Variants in ECE1 observed in about 807,000 individuals in gnomAD.
The protein encoded by ECE1 is endothelin-converting enzyme 1.
A neutral mutation model predicts 98.6 loss-of-function variants in ECE1; 35 were observed. The ratio of observed to expected loss-of-function variants is 0.35; its 90% confidence interval spans 0.27 to 0.47. The LOEUF is 0.47. Among genes scored for constraint, ECE1 ranks in the 20% least tolerant of loss-of-function variants. The probability of loss-of-function intolerance (pLI) is 1.00; values close to 1 mark genes in which losing one functional copy is unlikely to be tolerated. For missense variants in ECE1, 814 were observed against 1,025.3 expected (o/e 0.79, Z 2.81); for synonymous variants, 394 against 407.1 (o/e 0.97, Z 0.39).
At chr1:21,223,605 ACTGGC>A (rs2098170161) in intron 17 of ECE1, among the ~76,000 whole-genome samples, 1 of 152,136 alleles carries the variant, frequency 6.6e-6, no homozygotes, top group Admixed American at 6.6e-5. Context: ...AGCTGGGATT[ACTGGC>A]GCCTGCCACC....
rs1573961072 is a variant in ECE1, at chr1:21,247,101, G to C, written c.1163+120C>G. 3 of 1,442,300 alleles carry C rather than the reference G, an allele frequency of 2.1e-6. No homozygotes were observed. In the Admixed American group the frequency reaches 5.2e-5, roughly 25 times the overall value. 89.3% of individuals were successfully genotyped at this position (1,442,300 alleles called of 1,614,324 possible). A position where few individuals can be genotyped will look rare whatever the true frequency, so the allele number is the denominator to read the frequency against. On this transcript the variant is annotated intron_variant, in intron 9 of 18. Coordinates refer to ENST00000374893, the MANE Select transcript of ECE1 (RefSeq NM_001397.3). ...TAACCAGGATGTCCTGCTGCCTCTC[G>C]TAAAAGCCCGCCCAGGTCCCACTCT... is the stretch of plus-strand genomic sequence containing the variant.
chr1:21,301,467 C>T (rs1266741460), intron 1 of ECE1, among the ~76,000 whole-genome samples: 1 of 151,896 alleles, frequency 6.6e-6, no homozygotes, highest in Non-Finnish European at 1.5e-5. Context: ...TGCACTCCAG[C>T]CTGGGCGACA....
chr1:21,260,229 G>T lies in ECE1; in HGVS notation c.615+42C>A. 6.8e-6 allele frequency: 11 copies of T among 1,614,042 alleles called. No individual in the cohort carries two copies. Among genetic ancestry groups the T allele is most frequent in the Non-Finnish European group, 9.3e-6 (11 of 1,179,942 alleles). ...GTGGAAGCCAGGGGGCGGGCAGGTG[G>T]CATGGGCCGGGGCTTGGGGAGGGAG... On this transcript the variant is annotated intron_variant, in intron 5 of 18. Coordinates refer to ENST00000374893, the MANE Select transcript of ECE1 (RefSeq NM_001397.3). The surrounding 1 kb of genome is among the most constrained non-coding windows in gnomAD (Gnocchi z 4.3).
rs572630539 is a variant in ECE1 at position 21,219,396 on chromosome 1, G to T, written c.*559C>A. ...GGGGCTGAGGCAGCTGTCTGATTTGGAGACTTGCTCTGTGGCCCAGGGATC... is the reference window on the plus strand; with the variant it reads ...GGGGCTGAGGCAGCTGTCTGATTTGTAGACTTGCTCTGTGGCCCAGGGATC... On this transcript the variant is annotated 3_prime_UTR_variant, in exon 19 of 19. Coordinates refer to ENST00000374893, the MANE Select transcript of ECE1 (RefSeq NM_001397.3). This position sits in a 1 kb window ranked among gnomAD's most constrained non-coding sequence, Gnocchi z 4.5. The T allele has an allele frequency of 5.3e-4, 85 of 158,896 alleles. 2 individuals are homozygous for T. In the South Asian group the frequency reaches 0.015, roughly 29 times the overall value. The allele number at this position is 158,896 out of a possible 1,614,324, so 9.8% of individuals were successfully genotyped here.
At chr1:21,339,976 G>A (rs1194360990) in intron 1 of ECE1, among the ~76,000 whole-genome samples, 1 of 152,220 alleles carries the variant, frequency 6.6e-6, no homozygotes, top group Non-Finnish European at 1.5e-5. Flanking sequence ...ATTAAACTGT[G>A]CCCCTCAGAC....
At chr1:21,275,559 C>T (rs945662269) in intron 3 of ECE1, among the ~76,000 whole-genome samples, 2 of 152,194 alleles carry the variant, frequency 1.3e-5, no homozygotes, top group Non-Finnish European at 2.9e-5. Context: ...CGCGCCACTG[C>T]ATTCCAGCCT....
chr1:21,218,410 A>G lies in ECE1; in HGVS notation c.*1545T>C, dbSNP rs2098163456. 6.6e-6 allele frequency: 1 copy of G among 152,642 alleles called. No individual in the cohort carries two copies. The highest frequency in any genetic ancestry group is 2.4e-5 in the African/African-American group (1 of 41,454). 9.5% of individuals were successfully genotyped at this position (152,642 alleles called of 1,614,324 possible). On this transcript the variant is annotated 3_prime_UTR_variant, in exon 19 of 19. Transcript: ENST00000374893. The surrounding 1 kb of genome is among the most constrained non-coding windows in gnomAD (Gnocchi z 4.0). ...TTCAGTCAGGACACCTGGGGGCTGC[A>G]CTGCGGAGGCCAAGGGCATCTAGGA...
At chr1:21,227,365 C>T in intron 15 of ECE1, 139 bp from the exon 16 acceptor site, 1 of 888,786 alleles carries the variant, frequency 1.1e-6, no homozygotes. Flanking sequence ...AGGGTGTGGT[C>T]ATGGCCTGAG....
At chr1:21,288,184 A>G (rs541857807) in intron 2 of ECE1, among the ~76,000 whole-genome samples, 76 of 152,350 alleles carry the variant, frequency 5.0e-4, no homozygotes, top group African/African-American at 1.8e-3. Context: ...TGGAAAATGT[A>G]TCCATTTGGG....
intron 7 of ECE1, among the ~76,000 whole-genome samples, 171 bp from the exon 8 acceptor site, chr1:21,256,309 A>G (rs1262538837): frequency 1.3e-5 from 2 of 152,108 alleles, no homozygotes; most frequent in Non-Finnish European, 2.9e-5. Context: ...TAATCCTGGC[A>G]CTTTGGGAGG....
intron 1 of ECE1, among the ~76,000 whole-genome samples, chr1:21,335,883 G>A (rs1000538130): frequency 1.3e-5 from 2 of 152,172 alleles, no homozygotes; most frequent in Non-Finnish European, 2.9e-5. Context: ...GAGGGGAAGG[G>A]ACTTGCCTGA....
At chr1:21,303,681 A>G (rs956879858) in intron 1 of ECE1, among the ~76,000 whole-genome samples, 1 of 152,070 alleles carries the variant, frequency 6.6e-6, no homozygotes, top group Admixed American at 6.6e-5. Flanking sequence ...CAGGGTCTCA[A>G]TCTGTCCCTC....
chr1:21,328,310 A>G (rs138502170), intron 1 of ECE1, among the ~76,000 whole-genome samples: 319 of 152,318 alleles, frequency 2.1e-3, no homozygotes, highest in African/African-American at 7.1e-3. Flanking sequence ...CAACCTGCTT[A>G]TAGTTAGAGA....
At chr1:21,283,543 T>C (rs917634056) in intron 2 of ECE1, among the ~76,000 whole-genome samples, 9 of 152,202 alleles carry the variant, frequency 5.9e-5, no homozygotes, top group Admixed American at 2.0e-4. Flanking sequence ...AGTGCTGGGA[T>C]TACAGGCGTG....
At chr1:21,264,651 G>A (rs1003764799) in intron 4 of ECE1, among the ~76,000 whole-genome samples, 2 of 152,128 alleles carry the variant, frequency 1.3e-5, no homozygotes, top group African/African-American at 2.4e-5. Context: ...TCTATATCAC[G>A]CATCCCCAAC....
intron 2 of ECE1, among the ~76,000 whole-genome samples, chr1:21,283,802 G>C (rs1247983087): frequency 6.6e-6 from 1 of 152,192 alleles, no homozygotes; most frequent in Non-Finnish European, 1.5e-5. Flanking sequence ...AATTAAGCCA[G>C]AATTGAATTA....
rs1301064299 is a variant in ECE1, at chr1:21,260,373, C to T, written c.513G>A (p.Val171=). The T allele has an allele frequency of 1.9e-6, 3 of 1,614,142 alleles. No homozygotes were observed. Among genetic ancestry groups the T allele is most frequent in the Non-Finnish European group, 2.5e-6 (3 of 1,180,060 alleles). Residue 171 remains valine, a synonymous_variant, in exon 5 of 19, where the codon GTG becomes GTA. Transcript: ENST00000374893. This position sits in a 1 kb window ranked among gnomAD's most constrained non-coding sequence, Gnocchi z 4.3. ...CTTGCGCCTTTCTCTCTGCCTCGCT[C>T]ACGCTGGCCGTGGAGTTTTCTGGAA... is the stretch of plus-strand genomic sequence containing the variant. ...KHLLENSTAS[V]SEAERKAQVY... is the part of the protein sequence containing the mutation.
At chr1:21,224,177 T>G (rs2098170888) in intron 17 of ECE1, among the ~76,000 whole-genome samples, 1 of 152,120 alleles carries the variant, frequency 6.6e-6, no homozygotes, top group Non-Finnish European at 1.5e-5. Flanking sequence ...TCCTCATCAT[T>G]TAGGTCTCTA....
chr1:21,280,866 C>T (rs1293650678), intron 2 of ECE1, among the ~76,000 whole-genome samples: 1 of 151,826 alleles, frequency 6.6e-6, no homozygotes, highest in African/African-American at 2.4e-5. Context: ...CAAGCACTTT[C>T]TGTGGAAAAA....
Sources: gnomAD v4.1 joint callset for allele counts (sites outside exome capture counted in the v4.1 genomes callset) on GRCh38, gnomAD v4.1.1 for gene constraint, Gnocchi (gnomAD v3.1) non-coding constraint, MANE v1.5 for transcripts, NCBI Gene and HGNC (gene_info 2026-07-23, HGNC 2026-07-21) for gene names.